SORCS1: variants seen among roughly 807,000 people sequenced by gnomAD.
SORCS1 encodes the protein VPS10 domain-containing receptor SorCS1.
Under a neutral mutation model 146.1 loss-of-function variants are expected in SORCS1, and 60 were observed. The ratio of observed to expected loss-of-function variants is 0.41; its 90% confidence interval spans 0.33 to 0.51. SORCS1 has a LOEUF of 0.51. Among genes scored for constraint, SORCS1 ranks in the 20% least tolerant of loss-of-function variants. The pLI is 0.21. For synonymous variants in SORCS1, 637 were observed against 584.0 expected (o/e 1.09, Z -1.31); for missense variants, 1,352 against 1,487.6 (o/e 0.91, Z 1.50).
chr10:106,839,703 T>C (rs1948939200), intron 2 of SORCS1, among the ~76,000 whole-genome samples: 1 of 152,226 alleles, frequency 6.6e-6, no homozygotes, highest in Non-Finnish European at 1.5e-5. Context: ...AAGTAGCCAA[T>C]GCTGGCTTCA....
At chr10:107,042,213 CT>C (rs1177700822) in intron 1 of SORCS1, among the ~76,000 whole-genome samples, 3 of 152,142 alleles carry the variant, frequency 2.0e-5, no homozygotes, top group Non-Finnish European at 4.4e-5. Flanking sequence ...TTCATTCTGT[CT>C]TTGAGTCTGG....
At chr10:106,878,649 T>TATA (rs1491300730) in intron 2 of SORCS1, among the ~76,000 whole-genome samples, 13 of 137,792 alleles carry the variant, frequency 9.4e-5, no homozygotes, top group Non-Finnish European at 1.4e-4. Context: ...TATATATATA[T>TATA]TTTATAGCAG....
chr10:107,164,485 C>T lies in SORCS1; in HGVS notation c.42G>A (p.Leu14=), dbSNP rs951492994. 1.4e-5 allele frequency: 19 copies of T among 1,362,514 alleles called. No homozygotes were observed. The highest frequency in any genetic ancestry group is 1.8e-5 in the Non-Finnish European group (19 of 1,065,520). 84.4% of individuals were successfully genotyped at this position (1,362,514 alleles called of 1,614,324 possible). ...GCCCCGCGCCGGCGAGGAGCGCGCT[C>T]AGCCGGGCTTGGGAGCCGCCGCCGG... ...VGAGGGSQAR[L]SALLAGAGLL... is the part of the protein sequence containing the mutation. The change falls in exon 1 of 26, where the codon CTG becomes CTA. Residue 14 remains leucine, a synonymous_variant. Transcript: ENST00000263054. The surrounding 1 kb of genome is among the most constrained non-coding windows in gnomAD (Gnocchi z 6.8).
intron 24 of SORCS1, among the ~76,000 whole-genome samples, chr10:106,582,400 G>T (rs1844976004): frequency 6.6e-6 from 1 of 152,218 alleles, no homozygotes; most frequent in Non-Finnish European, 1.5e-5. Flanking sequence ...GAAGCAGGAA[G>T]CAGGAAGCAG....
chr10:106,690,847 G>A (rs558827530), intron 9 of SORCS1, among the ~76,000 whole-genome samples: 3 of 152,118 alleles, frequency 2.0e-5, no homozygotes, highest in Non-Finnish European at 4.4e-5. Context: ...CTTTCACTCT[G>A]AGCTTGAGAA....
intron 1 of SORCS1, among the ~76,000 whole-genome samples, chr10:107,061,599 G>A (rs1049079884): frequency 1.3e-5 from 2 of 152,078 alleles, no homozygotes; most frequent in African/African-American, 4.8e-5. Flanking sequence ...AACTCGTTAT[G>A]TTTTCCTTTT....
At chr10:106,906,353 A>G (rs1294568126) in intron 2 of SORCS1, among the ~76,000 whole-genome samples, 1 of 152,184 alleles carries the variant, frequency 6.6e-6, no homozygotes, top group East Asian at 1.9e-4. Context: ...ACCTCAGGTG[A>G]TCTGCCGGCC....
intron 17 of SORCS1, among the ~76,000 whole-genome samples, chr10:106,659,328 G>A (rs942595090): frequency 1.2e-4 from 19 of 152,214 alleles, no homozygotes; most frequent in Non-Finnish European, 2.4e-4. Context: ...ATAGGAATGT[G>A]ACTTCATTTT....
intron 1 of SORCS1, among the ~76,000 whole-genome samples, chr10:107,075,823 C>G (rs1470340310): frequency 6.6e-6 from 1 of 152,048 alleles, no homozygotes; most frequent in Non-Finnish European, 1.5e-5. Flanking sequence ...AAAGCTACAG[C>G]TGAATTCAAT....
intron 2 of SORCS1, among the ~76,000 whole-genome samples, chr10:106,889,888 TA>T (rs772421907): frequency 0.018 from 1,320 of 71,654 alleles, 18 homozygotes; most frequent in African/African-American, 0.047. Flanking sequence ...ACGTCTCAAA[TA>T]AAAAAAAAAA....
intron 1 of SORCS1, among the ~76,000 whole-genome samples, chr10:107,108,033 C>T (rs189056436): frequency 4.6e-5 from 7 of 152,138 alleles, no homozygotes; most frequent in African/African-American, 9.7e-5. Flanking sequence ...CTGCCTGAGT[C>T]CCCAGGGTAG....
chr10:106,602,827 C>A (rs539595747), intron 23 of SORCS1, among the ~76,000 whole-genome samples: 1 of 152,266 alleles, frequency 6.6e-6, no homozygotes, highest in Non-Finnish European at 1.5e-5. Context: ...GACTGATAAG[C>A]AAAATGTGTG....
At chr10:106,912,469 A>C (rs1952213867) in intron 2 of SORCS1, among the ~76,000 whole-genome samples, 4 of 152,172 alleles carry the variant, frequency 2.6e-5, no homozygotes, top group Admixed American at 2.6e-4. Flanking sequence ...TCTGTTTGCC[A>C]GGGAATTTGC....
intron 17 of SORCS1, among the ~76,000 whole-genome samples, chr10:106,658,677 T>C (rs1001082494): frequency 6.6e-6 from 1 of 152,138 alleles, no homozygotes; most frequent in Non-Finnish European, 1.5e-5. Context: ...ATCCACCACC[T>C]TAGTAATGTA....
At chr10:106,607,022 C>T (rs376341194) in intron 23 of SORCS1, 144 bp downstream of exon 23, 1 of 1,091,548 alleles carries the variant, frequency 9.2e-7, no homozygotes, top group South Asian at 1.5e-5. Flanking sequence ...CAGACTAATA[C>T]ACCTACCATG....
chr10:107,061,992 C>T (rs1055087730), intron 1 of SORCS1, among the ~76,000 whole-genome samples: 2 of 152,102 alleles, frequency 1.3e-5, no homozygotes, highest in East Asian at 3.9e-4. Flanking sequence ...GTATGTCACA[C>T]TTTATTATAT....
chr10:107,104,044 T>G (rs1428091709), intron 1 of SORCS1, among the ~76,000 whole-genome samples: 1 of 152,222 alleles, frequency 6.6e-6, no homozygotes. Context: ...GAAACCCAAC[T>G]GTATTAAGCT....
Position 106,960,361 on chromosome 10 carries a change from A to G in SORCS1, c.559-3781T>C, listed in dbSNP as rs973706794. 6.7e-6 allele frequency among the ~76,000 whole-genome samples: 1 copy of G among 150,102 alleles called. No homozygotes were observed. Among genetic ancestry groups the G allele is most frequent in the Non-Finnish European group, 1.5e-5 (1 of 67,540 alleles). ...TCTTGCCACATCTATCGCTTACACA[A>G]CTTTTGGGAGGAACTTCACTTGGTC... On this transcript the variant is annotated intron_variant, in intron 1 of 25. Coordinates refer to ENST00000263054, the MANE Select transcript of SORCS1 (RefSeq NM_052918.5). The surrounding 1 kb of genome is among the most constrained non-coding windows in gnomAD (Gnocchi z 4.4).
chr10:106,601,907 G>A (rs1846265035), intron 23 of SORCS1, among the ~76,000 whole-genome samples: 1 of 152,172 alleles, frequency 6.6e-6, no homozygotes, highest in Non-Finnish European at 1.5e-5. Flanking sequence ...TAGACTCATG[G>A]TACAGTCCTA....
Sources: allele counts gnomAD v4.1 joint callset (sites outside exome capture counted in the v4.1 genomes callset), GRCh38; gene constraint gnomAD v4.1.1; non-coding constraint Gnocchi (gnomAD v3.1); transcripts MANE v1.5; gene names NCBI Gene and HGNC (gene_info 2026-07-23, HGNC 2026-07-21).